Variants in RIC1 observed in about 807,000 individuals in gnomAD.
RIC1 encodes the protein guanine nucleotide exchange factor subunit RIC1.
RIC1 carries 88 observed loss-of-function variants against 169.0 expected under a neutral mutation model. The observed-to-expected ratio is 0.52, with a 90% CI of 0.44 to 0.62. The LOEUF is 0.62. RIC1 is among the 20% of genes least tolerant of loss of function. The pLI, the probability that RIC1 is intolerant of heterozygous loss-of-function variation, is 0.00. For missense variants in RIC1, 1,877 were observed against 1,725.5 expected (o/e 1.09, Z -1.56); for synonymous variants, 790 against 601.5 (o/e 1.31, Z -4.59).
chr9:5,686,804 G>C (rs1469717840), intron 2 of RIC1, among the ~76,000 whole-genome samples: 1 of 152,026 alleles, frequency 6.6e-6, no homozygotes, highest in East Asian at 1.9e-4. Flanking sequence ...ATGTTAATGA[G>C]GGATCTTGGC....
chr9:5,725,144 C>G (rs757698505), intron 6 of RIC1, among the ~76,000 whole-genome samples: 9 of 152,308 alleles, frequency 5.9e-5, no homozygotes, highest in Admixed American at 2.0e-4. Flanking sequence ...ACCAGTTCCT[C>G]TTTGTACCTC....
intron 2 of RIC1, among the ~76,000 whole-genome samples, chr9:5,681,219 G>A (rs1012973318): frequency 6.6e-6 from 1 of 151,946 alleles, no homozygotes; most frequent in African/African-American, 2.4e-5. Context: ...GAATGTGTTT[G>A]CTCTTGCTTC....
At position 5,747,201 on chromosome 9, in the gene RIC1, A is replaced by G. The variant is rs1163789566; in HGVS notation, c.1249-101A>G. 4.8e-6 allele frequency: 4 copies of G among 835,040 alleles called. No homozygotes were observed. In the African/African-American group the frequency reaches 5.1e-5, roughly 11 times the overall value. The allele number at this position is 835,040 out of a possible 1,614,324, so 51.7% of individuals were successfully genotyped here. ...ACATCGAGATACATGTACATTTCCTATAATAAAACTAAATCGATGTGTTAT... is the reference window on the plus strand; with the variant it reads ...ACATCGAGATACATGTACATTTCCTGTAATAAAACTAAATCGATGTGTTAT... On this transcript the variant is annotated intron_variant, in intron 11 of 25. Coordinates refer to ENST00000414202, the MANE Select transcript of RIC1 (RefSeq NM_020829.4).
At chr9:5,735,400 G>A (rs1167360355) in intron 7 of RIC1, among the ~76,000 whole-genome samples, 1 of 152,304 alleles carries the variant, frequency 6.6e-6, no homozygotes, top group African/African-American at 2.4e-5. Context: ...GCACAAGGGT[G>A]GGTGTTAGAA....
intron 2 of RIC1, among the ~76,000 whole-genome samples, chr9:5,657,465 A>C (rs1193925666): frequency 6.6e-6 from 1 of 152,154 alleles, no homozygotes; most frequent in Non-Finnish European, 1.5e-5. Context: ...TAATCTTTAG[A>C]TAAGTGCTTT....
intron 9 of RIC1, 55 bp from the exon 10 acceptor site, chr9:5,743,634 G>T (rs1341853385): frequency 1.5e-6 from 2 of 1,315,882 alleles, no homozygotes; most frequent in Non-Finnish European, 2.1e-6. Context: ...TAAATTTTAT[G>T]TGTATTATAT....
chr9:5,715,563 A>T (rs963684468), intron 4 of RIC1, among the ~76,000 whole-genome samples: 3 of 152,186 alleles, frequency 2.0e-5, no homozygotes, highest in Non-Finnish European at 4.4e-5. Context: ...AAGACATGAA[A>T]CTTAGATTTT....
At chr9:5,638,995 A>G (rs968826610) in intron 1 of RIC1, among the ~76,000 whole-genome samples, 3 of 152,094 alleles carry the variant, frequency 2.0e-5, no homozygotes, top group African/African-American at 7.2e-5. Context: ...GTCTCACTGT[A>G]GCCTCAACCT....
In RIC1 at chr9:5,762,615, A is replaced by G; in HGVS notation, c.2067A>G (p.Pro689=). The change falls in exon 18 of 26, where the codon CCA becomes CCG. Residue 689 remains proline, a synonymous_variant. Coordinates refer to ENST00000414202, the MANE Select transcript of RIC1 (RefSeq NM_020829.4). ...LIMMQRDRSG[P]QIREKDSNPN... ...TGATGCAGAGGGACAGGTCAGGCCCACAGATCCGGGAGAAGGACAGTAACC... is the reference window on the plus strand; with the variant it reads ...TGATGCAGAGGGACAGGTCAGGCCCGCAGATCCGGGAGAAGGACAGTAACC... The G allele has an allele frequency of 3.7e-6, 6 of 1,614,068 alleles. No individual in the cohort carries two copies. The highest frequency in any genetic ancestry group is 5.1e-6 in the Non-Finnish European group (6 of 1,179,956).
At chr9:5,630,907 A>C (rs903874066) in intron 1 of RIC1, among the ~76,000 whole-genome samples, 27 of 152,342 alleles carry the variant, frequency 1.8e-4, no homozygotes, top group African/African-American at 6.3e-4. Context: ...CATGCAGAAA[A>C]AAATAGAACT....
At chr9:5,714,706 C>T (rs1463317150) in intron 4 of RIC1, among the ~76,000 whole-genome samples, 1 of 151,954 alleles carries the variant, frequency 6.6e-6, no homozygotes, top group Admixed American at 6.5e-5. Flanking sequence ...GCTTATGTTG[C>T]TAATGTTTGT....
At chr9:5,662,466 G>C (rs970152344) in intron 2 of RIC1, among the ~76,000 whole-genome samples, 1 of 131,528 alleles carries the variant, frequency 7.6e-6, no homozygotes, top group Admixed American at 7.9e-5. Flanking sequence ...GTCCTGGGCT[G>C]GTTTTTTTTT....
intron 3 of RIC1, 118 bp downstream of exon 3, chr9:5,690,156 A>C (rs963182896): frequency 3.6e-6 from 2 of 556,722 alleles, no homozygotes; most frequent in Non-Finnish European, 5.9e-6. Flanking sequence ...GCATTTCCCA[A>C]ATAGTATTTA....
intron 2 of RIC1, among the ~76,000 whole-genome samples, chr9:5,671,334 GC>G (rs562239090): frequency 6.8e-4 from 103 of 151,058 alleles, no homozygotes; most frequent in African/African-American, 2.4e-3. Context: ...GAGTGGCGCA[GC>G]GCAATCTCTG....
intron 3 of RIC1, among the ~76,000 whole-genome samples, chr9:5,696,092 C>G (rs1383273895): frequency 6.6e-6 from 1 of 152,098 alleles, no homozygotes; most frequent in Non-Finnish European, 1.5e-5. Flanking sequence ...TTAGAGTTTT[C>G]CAGTGCCTCT....
intron 2 of RIC1, among the ~76,000 whole-genome samples, chr9:5,660,349 A>G (rs1218321067): frequency 1.3e-5 from 2 of 152,130 alleles, no homozygotes; most frequent in Non-Finnish European, 2.9e-5. Flanking sequence ...AGAATGATTT[A>G]TATTTTGGGG....
At chr9:5,659,673 C>G (rs989708282) in intron 2 of RIC1, among the ~76,000 whole-genome samples, 1 of 152,088 alleles carries the variant, frequency 6.6e-6, no homozygotes, top group Admixed American at 6.6e-5. Flanking sequence ...TTATTTAGAC[C>G]TTCAATTTCT....
intron 25 of RIC1, 137 bp from the exon 26 acceptor site, chr9:5,773,821 C>A: frequency 2.6e-6 from 2 of 767,074 alleles, no homozygotes; most frequent in East Asian, 2.7e-5. Flanking sequence ...TTCCTCCCTA[C>A]CTTCTTTGCC....
intron 3 of RIC1, among the ~76,000 whole-genome samples, chr9:5,704,606 T>C (rs1822445731): frequency 6.6e-6 from 1 of 152,180 alleles, no homozygotes; most frequent in African/African-American, 2.4e-5. Context: ...ATGATTTTCA[T>C]ATTTTTTTTC....
Sources: gnomAD v4.1 joint callset for allele counts (sites outside exome capture counted in the v4.1 genomes callset) on GRCh38, gnomAD v4.1.1 for gene constraint, MANE v1.5 for transcripts, NCBI Gene and HGNC (gene_info 2026-07-23, HGNC 2026-07-21) for gene names.